The following CIAO3 variants were observed in gnomAD, a reference collection of about 807,000 sequenced individuals.
CIAO3 encodes the protein cytosolic iron-sulfur assembly component 3, also known as LET1 like/JFP15.
Under a neutral mutation model 51.5 loss-of-function variants are expected in CIAO3, and 45 were observed. That is an observed-to-expected ratio of 0.87 (90% CI 0.69 to 1.12). The LOEUF is 1.12. Ranked by LOEUF, CIAO3 falls within the 50% of genes most tolerant of loss-of-function variation. The pLI is 0.00. For synonymous variants in CIAO3, 314 were observed against 269.3 expected, an observed-to-expected ratio of 1.17 and a Z score of -1.63; for missense variants, 668 against 632.5, an observed-to-expected ratio of 1.06 and a Z score of -0.60.
chr16:733,642 T>C, intron 6 of CIAO3: 1 of 633,584 alleles, frequency 1.6e-6, no homozygotes, highest in Non-Finnish European at 2.6e-6. Flanking sequence ...ATTCCCAGTG[T>C]GCCTGCGCTC....
Position 737,859 on chromosome 16 carries a change from G to A in CIAO3, c.163-530C>T, listed in dbSNP as rs1023284670. 8.5e-7 allele frequency: 1 copy of A among 1,182,292 alleles called. No homozygotes were observed. 73.2% of individuals were successfully genotyped at this position (1,182,292 alleles called of 1,614,324 possible). On this transcript the variant is annotated intron_variant, in intron 2 of 10. Coordinates refer to ENST00000251588, the MANE Select transcript of CIAO3 (RefSeq NM_022493.3). The surrounding 1 kb of genome is among the most constrained non-coding windows in gnomAD (Gnocchi z 5.3). The stretch of plus-strand genomic sequence containing the variant: ...TGCAGGAACAAGGTGTTCCAGTCGG[G>A]GGCCTCCGGGACATGCCTCAGCAAC...
At chr16:734,070 G>A in intron 6 of CIAO3, 159 bp downstream of exon 6, 1 of 667,592 alleles carries the variant, frequency 1.5e-6, no homozygotes, top group East Asian at 2.7e-5. Context: ...TGCAGAAGAG[G>A]AAGGGCCTGA....
Position 737,103 on chromosome 16 carries a change from G to A in CIAO3, c.306+83C>T, listed in dbSNP as rs999075056. The A allele has an allele frequency of 1.3e-5, 21 of 1,584,022 alleles. No homozygotes were observed. Among genetic ancestry groups the A allele is most frequent in the Non-Finnish European group, 1.7e-5 (20 of 1,156,340 alleles). ...CGCACGACGGACGTCGGCACCACAC[G>A]AGCTGCCCTTGGCAAAACGCGTTGT... is the stretch of plus-strand genomic sequence containing the variant. On this transcript the variant is annotated intron_variant, in intron 3 of 10. Coordinates refer to ENST00000251588, the MANE Select transcript of CIAO3 (RefSeq NM_022493.3). This position sits in a 1 kb window ranked among gnomAD's most constrained non-coding sequence, Gnocchi z 5.3.
In CIAO3 at chr16:729,784, T is replaced by C. The variant is rs1164753928; in HGVS notation, c.*633A>G. ...TAGGCGTGTTTTAGGAGGGGTGCGTTTATTAGACAAACGCTGGGAGACAGG... is the reference window on the plus strand; with the variant it reads ...TAGGCGTGTTTTAGGAGGGGTGCGTCTATTAGACAAACGCTGGGAGACAGG... On this transcript the variant is annotated 3_prime_UTR_variant, in exon 11 of 11. Transcript: ENST00000251588. The C allele has an allele frequency of 1.3e-5, 16 of 1,219,658 alleles. No individual in the cohort carries two copies. The highest frequency in any genetic ancestry group is 1.7e-5 in the Non-Finnish European group (16 of 931,238). 75.6% of individuals were successfully genotyped at this position (1,219,658 alleles called of 1,614,324 possible).
At chr16:735,877 T>C (rs1295605959) in intron 4 of CIAO3, among the ~76,000 whole-genome samples, 2 of 152,134 alleles carry the variant, frequency 1.3e-5, no homozygotes, top group African/African-American at 2.4e-5. Flanking sequence ...CACTGGAGCC[T>C]AGTTAGCTGG....
At chr16:733,216 C>T in intron 7 of CIAO3, 82 bp downstream of exon 7, 1 of 1,560,574 alleles carries the variant, frequency 6.4e-7, no homozygotes, top group South Asian at 1.2e-5. Context: ...AGGCAGGATC[C>T]TGGGCAGTCG....
At chr16:732,525 C>G in intron 7 of CIAO3, 152 bp from the exon 8 acceptor site, 1 of 856,916 alleles carries the variant, frequency 1.2e-6, no homozygotes. Context: ...AGGCCAGGCC[C>G]GGTCACTCCT....
At chr16:740,340 G>A (rs530557506) in intron 1 of CIAO3, 3 of 351,116 alleles carry the variant, frequency 8.5e-6, no homozygotes, top group African/African-American at 4.3e-5. Context: ...GTAGCTGTCC[G>A]GCCCACCAGG....
Position 733,319 on chromosome 16 carries a change from C to T in CIAO3, c.802G>A (p.Val268Met). ...GCACCTGTTGTGAGGACACAGTCCA[C>T]ATCCCGTGTCTGGTGCTCCTGGTTG... is the stretch of plus-strand genomic sequence containing the variant. Reference protein sequence around the residue: ...FFNQEHQTRDVDCVLTTGEVF... With the variant: ...FFNQEHQTRDMDCVLTTGEVF... Residue 268 changes from valine (V) to methionine (M), a missense_variant, in exon 7 of 11, where the codon GTG becomes ATG. Val to Met is a conservative substitution (Grantham distance 21, BLOSUM62 1). Transcript: ENST00000251588. The T allele has an allele frequency of 1.2e-6, 2 of 1,613,722 alleles. No homozygotes were observed. The highest frequency in any genetic ancestry group is 1.7e-6 in the Non-Finnish European group (2 of 1,179,992).
At chr16:730,699 G>C (rs1253507852) in intron 10 of CIAO3, 44 bp from the exon 11 acceptor site, 1 of 1,590,992 alleles carries the variant, frequency 6.3e-7, no homozygotes, top group Admixed American at 1.7e-5. Context: ...CTGCGCCCCA[G>C]CCAAGCTTCC....
In CIAO3 at chr16:740,951, G is replaced by T; in HGVS notation, c.35C>A (p.Thr12Lys). The T allele has an allele frequency of 6.6e-7, 1 of 1,520,278 alleles. No homozygotes were observed. Among genetic ancestry groups the T allele is most frequent in the Non-Finnish European group, 8.8e-7 (1 of 1,137,882 alleles). 94.2% of individuals were successfully genotyped at this position (1,520,278 alleles called of 1,614,324 possible). Residue 12 changes from threonine to lysine, a missense_variant, in exon 1 of 11, where the codon ACG (threonine) becomes AAG (lysine). Coordinates refer to ENST00000251588, the MANE Select transcript of CIAO3 (RefSeq NM_022493.3). Reference protein sequence around the residue: ...ASPFSGALQLTDLDDFIGPSQ... With the variant: ...ASPFSGALQLKDLDDFIGPSQ... Reference sequence around the variant, plus strand: ...CGGCCCGATGAAGTCATCCAGGTCCGTCAGCTGCAGCGCCCCGCTGAAGGG... The same window carrying T: ...CGGCCCGATGAAGTCATCCAGGTCCTTCAGCTGCAGCGCCCCGCTGAAGGG...
At position 730,661 on chromosome 16, in the gene CIAO3, GGA is replaced by G. The variant is rs755851882; in HGVS notation, c.1193-8_1193-7del. 3 of 1,607,378 alleles carry G rather than the reference GGA, an allele frequency of 1.9e-6. No homozygotes were observed. In the South Asian group the frequency reaches 3.3e-5, roughly 18 times the overall value. On this transcript the variant is annotated splice_region_variant and splice_polypyrimidine_tract_variant and intron_variant, in intron 10 of 10. Coordinates refer to ENST00000251588, the MANE Select transcript of CIAO3 (RefSeq NM_022493.3). ...GCCCCCGCCGTTCAGGCAGCCTATG[GGA>G]GAGCAGACGGGACAGGGGTCACAGC... is the stretch of plus-strand genomic sequence containing the variant.
At chr16:740,785 T>G in intron 1 of CIAO3, 135 bp downstream of exon 1, 1 of 874,520 alleles carries the variant, frequency 1.1e-6, no homozygotes, top group Admixed American at 2.4e-5. Flanking sequence ...GTCGATAGAG[T>G]CCCTGACGGC....
At position 737,902 on chromosome 16, in the gene CIAO3, C is replaced by A; in HGVS notation, c.163-573G>T. ...TCAGCAACTTTTCTTACATGCAAAA[C>A]GCACCCAGCTCGAGCTCCCCCAACT... On this transcript the variant is annotated intron_variant, in intron 2 of 10. Coordinates refer to ENST00000251588, the MANE Select transcript of CIAO3 (RefSeq NM_022493.3). The surrounding 1 kb of genome is among the most constrained non-coding windows in gnomAD (Gnocchi z 5.3). The A allele has an allele frequency of 1.7e-6, 2 of 1,181,016 alleles. No individual in the cohort carries two copies. The highest frequency in any genetic ancestry group is 3.9e-5 in the Admixed American group (1 of 25,922). The allele number at this position is 1,181,016 out of a possible 1,614,324, so 73.2% of individuals were successfully genotyped here. A position where few individuals can be genotyped will look rare whatever the true frequency, so the allele number is the denominator to read the frequency against.
chr16:733,869 G>T (rs888653817), intron 6 of CIAO3: 8 of 372,804 alleles, frequency 2.1e-5, no homozygotes, highest in African/African-American at 1.5e-4. Context: ...GCCCCCTGCT[G>T]GCTGAGTGTC....
chr16:731,944 C>T lies in CIAO3; in HGVS notation c.897-242G>A, dbSNP rs181066717. 101 of 559,304 alleles carry T rather than the reference C, an allele frequency of 1.8e-4. No individual in the cohort carries two copies. The African/African-American group carries it at 1.8e-3, about 10-fold the overall frequency. The allele number at this position is 559,304 out of a possible 1,614,324, so 34.6% of individuals were successfully genotyped here. ...AGTGCAGTGGCGTGATCTTGGCTCA[C>T]TGCAAGCTCCGCCTCCTGGGTTCAA... On this transcript the variant is annotated intron_variant, in intron 8 of 10. Coordinates refer to ENST00000251588, the MANE Select transcript of CIAO3 (RefSeq NM_022493.3).
At chr16:730,809 G>C in intron 10 of CIAO3, 34 bp downstream of exon 10, 1 of 1,608,064 alleles carries the variant, frequency 6.2e-7, no homozygotes, top group Non-Finnish European at 8.5e-7. Context: ...GCTCCCAGAA[G>C]GGGTCCTCGT....
chr16:736,238 G>A, intron 4 of CIAO3, 28 bp downstream of exon 4: 2 of 1,611,508 alleles, frequency 1.2e-6, no homozygotes, highest in Non-Finnish European at 1.7e-6. Context: ...ATTTGGAGCG[G>A]CAGTGTTACC....
At chr16:738,293 G>C (rs1480168156) in intron 2 of CIAO3, 2 of 985,826 alleles carry the variant, frequency 2.0e-6, no homozygotes, top group Non-Finnish European at 2.4e-6. Context: ...TGGTTCATGA[G>C]ATCAGGCAGA....
Sources: allele counts gnomAD v4.1 joint callset (sites outside exome capture counted in the v4.1 genomes callset), GRCh38; gene constraint gnomAD v4.1.1; non-coding constraint Gnocchi (gnomAD v3.1); transcripts MANE v1.5; gene names NCBI Gene and HGNC (gene_info 2026-07-23, HGNC 2026-07-21).